Variants in IDE observed in about 807,000 individuals in gnomAD.
The protein encoded by IDE is insulin degrading enzyme.
In IDE, 58 loss-of-function variants were observed where a neutral mutation model predicts 133.2. The observed-to-expected ratio is 0.44, with a 90% CI of 0.35 to 0.54. The LOEUF is 0.54. IDE is among the 20% of genes least tolerant of loss of function. IDE has a pLI of 0.00. For missense variants in IDE, 981 were observed against 1,234.0 expected (o/e 0.79, Z 3.07); for synonymous variants, 396 against 421.3 (o/e 0.94, Z 0.73).
At chr10:92,546,880 C>T (rs927331694) in intron 1 of IDE, among the ~76,000 whole-genome samples, 1 of 152,170 alleles carries the variant, frequency 6.6e-6, no homozygotes, top group Admixed American at 6.5e-5. Context: ...CTCCCCTCAA[C>T]AATTTTCAAT....
At chr10:92,485,215 C>T (rs573857626) in intron 13 of IDE, among the ~76,000 whole-genome samples, 1 of 149,442 alleles carries the variant, frequency 6.7e-6, no homozygotes, top group Admixed American at 6.7e-5. Flanking sequence ...ACAATCTCCA[C>T]CTCCTGGGTT....
intron 4 of IDE, among the ~76,000 whole-genome samples, chr10:92,522,380 A>G (rs1849272394): frequency 6.6e-6 from 1 of 152,174 alleles, no homozygotes; most frequent in Non-Finnish European, 1.5e-5. Flanking sequence ...CTTAATTACT[A>G]TCATGAAGAA....
intron 19 of IDE, among the ~76,000 whole-genome samples, chr10:92,466,984 A>C (rs1457490961): frequency 6.6e-6 from 1 of 151,932 alleles, no homozygotes; most frequent in Non-Finnish European, 1.5e-5. Context: ...TTGTGCCACT[A>C]TACTCCAGCC....
Position 92,507,699 on chromosome 10 carries a change from A to G in IDE, c.1154-33T>C, listed in dbSNP as rs764284841. On this transcript the variant is annotated intron_variant, in intron 8 of 24. Coordinates refer to ENST00000265986, the MANE Select transcript of IDE (RefSeq NM_004969.4). ...AAAGGGGCACACTTAAAAACCATTC[A>G]GTCCTTGAATCCTTCAAAGCAGTGA... is the stretch of plus-strand genomic sequence containing the variant. 5 of 1,145,114 alleles carry G rather than the reference A, an allele frequency of 4.4e-6. No individual in the cohort carries two copies. In the African/African-American group the frequency reaches 7.6e-5, roughly 17 times the overall value. 70.9% of individuals were successfully genotyped at this position (1,145,114 alleles called of 1,614,324 possible).
Position 92,456,346 on chromosome 10 carries a change from A to T in IDE, c.2896+13T>A, listed in dbSNP as rs1240896721. The T allele has an allele frequency of 1.9e-6, 3 of 1,603,650 alleles. No homozygotes were observed. The Admixed American group carries it at 5.0e-5, about 27-fold the overall frequency. ...CTCAACATGAGCCTAAAAAGGCAAC[A>T]TTTGATACTTACAAGAATCCATTTC... On this transcript the variant is annotated intron_variant, in intron 23 of 24. Transcript: ENST00000265986.
chr10:92,490,576 A>G lies in IDE; in HGVS notation c.1450T>C (p.Ser484Pro). 6.2e-7 allele frequency: 1 copy of G among 1,610,394 alleles called. No homozygotes were observed. Among genetic ancestry groups the G allele is most frequent in the Non-Finnish European group, 8.5e-7 (1 of 1,176,762 alleles). ...ENVRVAIVSKSFEGKTDRTEE... is the reference protein window; with the variant it reads ...ENVRVAIVSKPFEGKTDRTEE... ...GTGCGATCAGTTTTTCCTTCAAAAG[A>G]TTTAGAAACTATGGCAACCCTAGAG... Residue 484 changes from serine to proline, a missense_variant, in exon 12 of 25, where the codon TCT (serine) becomes CCT (proline). This residue lies in a region of IDE where 660 missense variants were observed against 894.7 expected (regional missense o/e 0.74). Transcript: ENST00000265986.
intron 17 of IDE, among the ~76,000 whole-genome samples, chr10:92,473,355 T>C (rs570070683): frequency 2.0e-5 from 3 of 152,166 alleles, no homozygotes; most frequent in African/African-American, 7.2e-5. Flanking sequence ...AATCTACATT[T>C]TTTTCCAGTA....
rs1377967127 is a variant in IDE, at chr10:92,453,726, G to C, written c.*718C>G. The C allele has an allele frequency of 1.3e-5, 2 of 152,064 alleles. No homozygotes were observed. The highest frequency in any genetic ancestry group is 1.3e-4 in the Admixed American group (2 of 15,274). The allele number at this position is 152,064 out of a possible 1,614,324, so 9.4% of individuals were successfully genotyped here. On this transcript the variant is annotated 3_prime_UTR_variant, in exon 25 of 25. Transcript: ENST00000265986. ...ACTGCAAACCAACTATGAAGAAGTAGGTCAATATAATTCAATCAGAATGAA... is the reference window on the plus strand; with the variant it reads ...ACTGCAAACCAACTATGAAGAAGTACGTCAATATAATTCAATCAGAATGAA...
At chr10:92,514,369 A>G (rs1848790042) in intron 5 of IDE, among the ~76,000 whole-genome samples, 1 of 151,806 alleles carries the variant, frequency 6.6e-6, no homozygotes, top group Non-Finnish European at 1.5e-5. Flanking sequence ...CAAGTTTATC[A>G]TCATCTGCTT....
intron 19 of IDE, among the ~76,000 whole-genome samples, chr10:92,468,375 TAATGTA>T (rs1436876911): frequency 6.6e-6 from 1 of 152,230 alleles, no homozygotes; most frequent in Non-Finnish European, 1.5e-5. Context: ...AAGCCACTGT[TAATGTA>T]AAAGTAACCC....
At chr10:92,459,986 T>C (rs1222422135) in intron 22 of IDE, among the ~76,000 whole-genome samples, 3 of 151,878 alleles carry the variant, frequency 2.0e-5, no homozygotes, top group Admixed American at 2.0e-4. Flanking sequence ...CCCGCCACCA[T>C]GCCCAGCTAA....
At chr10:92,493,362 C>T (rs1006255438) in intron 11 of IDE, among the ~76,000 whole-genome samples, 1 of 151,712 alleles carries the variant, frequency 6.6e-6, no homozygotes, top group Non-Finnish European at 1.5e-5. Flanking sequence ...AGATGGTCTT[C>T]CCATCTACTC....
At chr10:92,479,479 G>A in intron 14 of IDE, 58 bp from the exon 15 acceptor site, 1 of 1,347,354 alleles carries the variant, frequency 7.4e-7, no homozygotes, top group Non-Finnish European at 1.1e-6. Flanking sequence ...ATGTGATATG[G>A]CCTTTTGAGA....
chr10:92,472,853 G>A (rs1010549947), intron 17 of IDE, among the ~76,000 whole-genome samples: 4 of 151,120 alleles, frequency 2.6e-5, no homozygotes, highest in Admixed American at 6.6e-5. Flanking sequence ...GGCCAGAATG[G>A]TCTCGATCTC....
chr10:92,473,954 C>T lies in IDE; in HGVS notation c.2116+887G>A, dbSNP rs148851928. On this transcript the variant is annotated intron_variant, in intron 17 of 24. Coordinates refer to ENST00000265986, the MANE Select transcript of IDE (RefSeq NM_004969.4). The stretch of plus-strand genomic sequence containing the variant: ...CTGAGATTGCACCACTGCACTCCAG[C>T]CTGGGCAACAGAGCAGACTCCGTCT... 6.9e-3 allele frequency among the ~76,000 whole-genome samples: 1,047 copies of T among 152,112 alleles called. 9 individuals are homozygous for T. The highest frequency in any genetic ancestry group is 0.024 in the African/African-American group (991 of 41,500).
intron 11 of IDE, among the ~76,000 whole-genome samples, chr10:92,491,901 G>A (rs1847373310): frequency 6.6e-6 from 1 of 152,104 alleles, no homozygotes. Context: ...GTCAGCCACT[G>A]TGCCCAGCCT....
rs533367301 is a variant in IDE, at chr10:92,564,027, T to C, written c.98+9895A>G. On this transcript the variant is annotated intron_variant, in intron 1 of 24. Transcript: ENST00000265986. ...GGTCATCTCTCTCACTTTTGTAGTCTTATTCTACAAAGGTGTAGATTCACA... is the reference window on the plus strand; with the variant it reads ...GGTCATCTCTCTCACTTTTGTAGTCCTATTCTACAAAGGTGTAGATTCACA... 9.8e-5 allele frequency among the ~76,000 whole-genome samples: 15 copies of C among 152,310 alleles called. No homozygotes were observed. The South Asian group carries it at 2.7e-3, about 27-fold the overall frequency.
intron 13 of IDE, among the ~76,000 whole-genome samples, chr10:92,484,491 G>T (rs2135430818): frequency 6.6e-6 from 1 of 152,198 alleles, no homozygotes; most frequent in South Asian, 2.1e-4. Context: ...CCAGCACTTT[G>T]GGAGGCCAAG....
intron 1 of IDE, among the ~76,000 whole-genome samples, chr10:92,549,256 T>TAA (rs34494546): frequency 4.0e-4 from 59 of 146,292 alleles, no homozygotes; most frequent in African/African-American, 1.3e-3. Context: ...GACTGTGTCT[T>TAA]AAAAAAAAAA....
Sources: allele counts gnomAD v4.1 joint callset (sites outside exome capture counted in the v4.1 genomes callset), GRCh38; gene constraint gnomAD v4.1.1; regional missense constraint gnomAD v4.1.1; transcripts MANE v1.5; gene names NCBI Gene and HGNC (gene_info 2026-07-23, HGNC 2026-07-21).